FIG4: variants seen among roughly 807,000 people sequenced by gnomAD.
The protein encoded by FIG4 is FIG4 phosphoinositide 5-phosphatase.
FIG4 carries 112 observed loss-of-function variants against 118.6 expected under a neutral mutation model. The ratio of observed to expected loss-of-function variants is 0.94; its 90% CI spans 0.81 to 1.11. The LOEUF (loss-of-function observed/expected upper bound fraction) is 1.11. FIG4 is among the 50% of genes least tolerant of loss of function. The pLI is 0.00. For missense variants in FIG4, 969 were observed against 1,111.7 expected (o/e 0.87, Z 1.83); for synonymous variants, 369 against 381.2 (o/e 0.97, Z 0.37).
At chr6:109,798,956 T>C (rs977085323) in intron 22 of FIG4, among the ~76,000 whole-genome samples, 1 of 152,182 alleles carries the variant, frequency 6.6e-6, no homozygotes, top group African/African-American at 2.4e-5. Context: ...TTAAATGTGC[T>C]AGTAAAATAA....
At chr6:109,804,214 T>C (rs1778504847) in intron 22 of FIG4, among the ~76,000 whole-genome samples, 1 of 152,206 alleles carries the variant, frequency 6.6e-6, no homozygotes, top group Non-Finnish European at 1.5e-5. Context: ...CCTTGCTCTG[T>C]ATACAAGAAC....
At chr6:109,698,206 T>A (rs1774795373) in intron 1 of FIG4, among the ~76,000 whole-genome samples, 1 of 152,040 alleles carries the variant, frequency 6.6e-6, no homozygotes, top group African/African-American at 2.4e-5. Context: ...TTTTTTATTT[T>A]TTTATTTTTT....
chr6:109,778,668 A>C (rs983472777), intron 16 of FIG4, among the ~76,000 whole-genome samples: 5 of 151,808 alleles, frequency 3.3e-5, no homozygotes, highest in African/African-American at 1.2e-4. Context: ...GCGCGATCTC[A>C]GCTCACTGCA....
intron 16 of FIG4, among the ~76,000 whole-genome samples, chr6:109,782,561 ACTT>A (rs1439092940): frequency 7.9e-5 from 12 of 151,884 alleles, no homozygotes; most frequent in Admixed American, 4.6e-4. Context: ...TGTAATGTCT[ACTT>A]CTTCTTCCTA....
At chr6:109,703,725 A>G (rs562185378) in intron 1 of FIG4, among the ~76,000 whole-genome samples, 2 of 152,216 alleles carry the variant, frequency 1.3e-5, no homozygotes, top group East Asian at 3.9e-4. Context: ...CAGAAGGGCC[A>G]CTCACAAGCG....
At chr6:109,764,934 T>TTTG in intron 13 of FIG4, 79 bp from the exon 14 acceptor site, 61 of 1,346,944 alleles carry the variant, frequency 4.5e-5, no homozygotes, top group Non-Finnish European at 5.7e-5. Context: ...TGTTTTTGTT[T>TTTG]CTTAAAGAAA....
chr6:109,807,440 C>A (rs907538679), intron 22 of FIG4, among the ~76,000 whole-genome samples: 1 of 152,090 alleles, frequency 6.6e-6, no homozygotes, highest in African/African-American at 2.4e-5. Context: ...TATCCTTCTC[C>A]CACTTTTTGA....
chr6:109,756,080 G>T (rs1448062336), intron 10 of FIG4, among the ~76,000 whole-genome samples: 15 of 152,318 alleles, frequency 9.8e-5, no homozygotes, highest in African/African-American at 3.4e-4. Flanking sequence ...GGTGCCGGTT[G>T]TTCCTTTCCA....
Position 109,735,303 on chromosome 6 carries a change from G to A in FIG4, c.646+5G>A. ...TAATTACACAAGGTGGAAGCGGTAG[G>A]TGGTCTTGATATATCTAATGTATAT... On this transcript the variant is annotated splice_donor_5th_base_variant and intron_variant, in intron 6 of 22. Coordinates refer to ENST00000230124, the MANE Select transcript of FIG4 (RefSeq NM_014845.6). 5 of 1,612,032 alleles carry A rather than the reference G, an allele frequency of 3.1e-6. No homozygotes were observed. The highest frequency in any genetic ancestry group is 3.4e-6 in the Non-Finnish European group (4 of 1,178,346).
rs755637236 is a variant in FIG4 at position 109,691,513 on chromosome 6, C to CT, written c.66+13dup. 15 of 1,569,200 alleles carry CT rather than the reference C, an allele frequency of 9.6e-6. No individual in the cohort carries two copies. In the African/African-American group the frequency reaches 1.9e-4, roughly 20 times the overall value. ...ATGAGACTAGAGCTGTGAGTACCCC[C>CT]TCGCGGCGGGGCGCAGGCGGGAGGA... On this transcript the variant is annotated intron_variant, in intron 1 of 22. Coordinates refer to ENST00000230124, the MANE Select transcript of FIG4 (RefSeq NM_014845.6).
intron 8 of FIG4, 22 bp downstream of exon 8, chr6:109,741,566 T>A (rs1460475110): frequency 2.9e-6 from 4 of 1,396,700 alleles, no homozygotes; most frequent in Non-Finnish European, 4.1e-6. Context: ...AACAGTATCT[T>A]CACTGACCTT....
chr6:109,725,645 G>T (rs1775781034), intron 3 of FIG4, among the ~76,000 whole-genome samples: 2 of 152,114 alleles, frequency 1.3e-5, no homozygotes, highest in South Asian at 4.1e-4. Context: ...GGGTCAAATG[G>T]TATTTCTGGT....
chr6:109,702,856 C>T (rs186849116), intron 1 of FIG4, among the ~76,000 whole-genome samples: 5 of 152,304 alleles, frequency 3.3e-5, no homozygotes, highest in African/African-American at 1.2e-4. Context: ...AACACATTCA[C>T]ACCCCTTAAG....
intron 12 of FIG4, among the ~76,000 whole-genome samples, chr6:109,762,908 T>C (rs893247996): frequency 1.8e-4 from 27 of 152,146 alleles, no homozygotes; most frequent in African/African-American, 6.3e-4. Flanking sequence ...TTTATTATGG[T>C]GAAAGGATAT....
At chr6:109,720,013 A>C (rs1048118180) in intron 3 of FIG4, among the ~76,000 whole-genome samples, 1 of 152,206 alleles carries the variant, frequency 6.6e-6, no homozygotes, top group Non-Finnish European at 1.5e-5. Flanking sequence ...TTTCTTTTAA[A>C]GGTGACATTC....
chr6:109,757,432 A>T (rs1776951028), intron 10 of FIG4, among the ~76,000 whole-genome samples: 1 of 152,076 alleles, frequency 6.6e-6, no homozygotes, highest in South Asian at 2.1e-4. Flanking sequence ...CATGCTAAAA[A>T]CTCTCAACTA....
At chr6:109,741,278 T>A (rs1776315159) in intron 7 of FIG4, among the ~76,000 whole-genome samples, 166 bp from the exon 8 acceptor site, 1 of 152,198 alleles carries the variant, frequency 6.6e-6, no homozygotes, top group South Asian at 2.1e-4. Flanking sequence ...TGCACTGCAA[T>A]TCTGAAGAAC....
chr6:109,782,360 T>C (rs1254738274), intron 16 of FIG4, among the ~76,000 whole-genome samples: 1 of 152,224 alleles, frequency 6.6e-6, no homozygotes, highest in Non-Finnish European at 1.5e-5. Context: ...AAGGCAGATA[T>C]TTCTTTGCTT....
chr6:109,744,799 C>T (rs1311585292), intron 10 of FIG4, among the ~76,000 whole-genome samples: 1 of 150,918 alleles, frequency 6.6e-6, no homozygotes, highest in Non-Finnish European at 1.5e-5. Context: ...TATCCCCCCA[C>T]CCCCCAACAG....
Sources: gnomAD v4.1 joint callset for allele counts (sites outside exome capture counted in the v4.1 genomes callset) on GRCh38, gnomAD v4.1.1 for gene constraint, MANE v1.5 for transcripts, NCBI Gene and HGNC (gene_info 2026-07-23, HGNC 2026-07-21) for gene names.